Variants in CSMD1 observed in about 807,000 individuals in gnomAD.
The protein encoded by CSMD1 is CUB and sushi domain-containing protein 1.
A neutral mutation model predicts 417.5 loss-of-function variants in CSMD1; 213 were observed. The observed-to-expected ratio is 0.51, with a 90% CI of 0.46 to 0.57. CSMD1 has a LOEUF of 0.57. Among genes scored for constraint, CSMD1 ranks in the 20% least tolerant of loss-of-function variants. The probability of loss-of-function intolerance (pLI) is 0.00; values close to 1 mark genes in which losing one functional copy is unlikely to be tolerated. For synonymous variants in CSMD1, 2,862 were observed against 1,736.8 expected (o/e 1.65, Z -16.11); for missense variants, 6,923 against 4,529.7 (o/e 1.53, Z -15.17).
intron 3 of CSMD1, among the ~76,000 whole-genome samples, chr8:4,318,713 C>CAAAA (rs33979970): frequency 4.2e-5 from 6 of 143,556 alleles, no homozygotes; most frequent in African/African-American, 1.3e-4. Context: ...TTTAAAATCT[C>CAAAA]AAAAAAAAAA....
At chr8:3,663,395 C>G (rs1563247914) in intron 7 of CSMD1, among the ~76,000 whole-genome samples, 1 of 152,064 alleles carries the variant, frequency 6.6e-6, no homozygotes. Context: ...ATTTCCCTGA[C>G]TGCTTTTAAG....
intron 18 of CSMD1, among the ~76,000 whole-genome samples, chr8:3,381,668 G>C (rs1022501450): frequency 3.3e-5 from 5 of 152,006 alleles, no homozygotes; most frequent in African/African-American, 1.2e-4. Flanking sequence ...AAATTATACA[G>C]ACACATGTAG....
At chr8:4,897,717 C>T (rs1181399626) in intron 1 of CSMD1, among the ~76,000 whole-genome samples, 1 of 151,922 alleles carries the variant, frequency 6.6e-6, no homozygotes. Context: ...ATTCTATCTG[C>T]GTATTGAAGA....
At chr8:4,131,587 G>A (rs898396887) in intron 3 of CSMD1, among the ~76,000 whole-genome samples, 1 of 151,910 alleles carries the variant, frequency 6.6e-6, no homozygotes, top group Non-Finnish European at 1.5e-5. Flanking sequence ...AAACTGCATA[G>A]TCCCTAATGC....
At chr8:4,706,149 TTATG>T (rs1807926608) in intron 1 of CSMD1, among the ~76,000 whole-genome samples, 1 of 150,730 alleles carries the variant, frequency 6.6e-6, no homozygotes, top group South Asian at 2.1e-4. Flanking sequence ...TATTAAAATT[TTATG>T]TATTTATATA....
intron 11 of CSMD1, among the ~76,000 whole-genome samples, chr8:3,485,326 T>G (rs1426587980): frequency 6.6e-6 from 1 of 152,106 alleles, no homozygotes; most frequent in Admixed American, 6.5e-5. Flanking sequence ...TTATATAACA[T>G]TCTTGCAATG....
chr8:4,887,226 G>T (rs1803810282), intron 1 of CSMD1, among the ~76,000 whole-genome samples: 3 of 151,860 alleles, frequency 2.0e-5, no homozygotes, highest in South Asian at 4.2e-4. Flanking sequence ...TGATTATTTT[G>T]CCTCATGATT....
At chr8:4,037,705 A>T (rs905822212) in intron 3 of CSMD1, among the ~76,000 whole-genome samples, 1 of 152,190 alleles carries the variant, frequency 6.6e-6, no homozygotes, top group Non-Finnish European at 1.5e-5. Flanking sequence ...ATTGAATGAG[A>T]TAACAGGTCT....
chr8:4,140,064 A>T (rs76553238), intron 3 of CSMD1, among the ~76,000 whole-genome samples: 45,090 of 150,522 alleles, frequency 0.3, 8,406 homozygotes, highest in Non-Finnish European at 0.39. Context: ...ATTAAAAATA[A>T]GACAATAGCC....
chr8:4,405,004 G>A (rs7828233), intron 3 of CSMD1, among the ~76,000 whole-genome samples: 117,506 of 152,188 alleles, frequency 0.77, 45,636 homozygotes, highest in East Asian at 0.92. Context: ...AAGGCTAAAA[G>A]CTAAGTAATA....
chr8:3,173,544 A>C (rs1309377593), intron 37 of CSMD1, among the ~76,000 whole-genome samples: 5 of 152,202 alleles, frequency 3.3e-5, no homozygotes, highest in Non-Finnish European at 7.3e-5. Context: ...AAAAGATCTT[A>C]TGGAGTAATT....
At chr8:3,868,755 C>T (rs1031755973) in intron 5 of CSMD1, among the ~76,000 whole-genome samples, 3 of 152,198 alleles carry the variant, frequency 2.0e-5, no homozygotes, top group African/African-American at 7.2e-5. Flanking sequence ...CCACATCCAA[C>T]ACATCAGCAA....
intron 41 of CSMD1, among the ~76,000 whole-genome samples, chr8:3,130,730 G>C (rs1585425972): frequency 6.6e-6 from 1 of 151,744 alleles, no homozygotes; most frequent in Non-Finnish European, 1.5e-5. Context: ...CCACCCCAGA[G>C]AGTGGCAGAC....
chr8:3,306,125 C>CCACTT (rs1332198022), intron 25 of CSMD1, among the ~76,000 whole-genome samples: 3 of 152,180 alleles, frequency 2.0e-5, no homozygotes, highest in Non-Finnish European at 4.4e-5. Context: ...TTTCCTCACT[C>CCACTT]CACTTCATCC....
At chr8:4,015,558 A>G (rs1043510958) in intron 4 of CSMD1, among the ~76,000 whole-genome samples, 23 of 151,534 alleles carry the variant, frequency 1.5e-4, no homozygotes, top group Non-Finnish European at 2.9e-4. Flanking sequence ...TAAAGGTATC[A>G]GTGCTACTGC....
chr8:4,290,466 G>C (rs142695348), intron 3 of CSMD1, among the ~76,000 whole-genome samples: 280 of 152,264 alleles, frequency 1.8e-3, no homozygotes, highest in African/African-American at 6.5e-3. Flanking sequence ...TTTTAAACAA[G>C]GGTCAGGGAC....
At chr8:3,294,689 T>A (rs1203941700) in intron 25 of CSMD1, among the ~76,000 whole-genome samples, 1 of 152,168 alleles carries the variant, frequency 6.6e-6, no homozygotes, top group Non-Finnish European at 1.5e-5. Context: ...AGTATTAGGG[T>A]GGGAGTGACC....
chr8:4,345,699 T>A (rs1163789424), intron 3 of CSMD1, among the ~76,000 whole-genome samples: 1 of 152,110 alleles, frequency 6.6e-6, no homozygotes, highest in Non-Finnish European at 1.5e-5. Flanking sequence ...GTAATTTTTT[T>A]AAAAAGGCTC....
At chr8:4,815,502 C>G (rs1030978753) in intron 1 of CSMD1, among the ~76,000 whole-genome samples, 1 of 151,654 alleles carries the variant, frequency 6.6e-6, no homozygotes, top group South Asian at 2.1e-4. Flanking sequence ...TCGAGACCAG[C>G]CTGACCAACA....
Sources: gnomAD v4.1 joint callset for allele counts (sites outside exome capture counted in the v4.1 genomes callset) on GRCh38, gnomAD v4.1.1 for gene constraint, MANE v1.5 for transcripts, NCBI Gene and HGNC (gene_info 2026-07-23, HGNC 2026-07-21) for gene names.